Variants in SBF2 observed in about 807,000 individuals in gnomAD.
SBF2 encodes SET binding factor 2, also known as myotubularin-related protein 13.
Under a neutral mutation model 225.2 loss-of-function variants are expected in SBF2, and 112 were observed. The ratio of observed to expected loss-of-function variants is 0.50; its 90% CI spans 0.43 to 0.58. The LOEUF is 0.58. SBF2 is among the 20% of genes least tolerant of loss of function. The pLI is 0.00. For missense variants in SBF2, 1,996 were observed against 2,206.2 expected (o/e 0.90, Z 1.91); for synonymous variants, 763 against 773.3 (o/e 0.99, Z 0.22).
intron 2 of SBF2, among the ~76,000 whole-genome samples, chr11:10,125,970 TC>T (rs1953733248): frequency 6.6e-6 from 1 of 152,212 alleles, no homozygotes; most frequent in Non-Finnish European, 1.5e-5. Flanking sequence ...GGTGAAGTGA[TC>T]TTCTCATTGC....
chr11:10,248,297 G>A (rs994611068), intron 1 of SBF2, among the ~76,000 whole-genome samples: 4 of 152,228 alleles, frequency 2.6e-5, no homozygotes, highest in African/African-American at 7.2e-5. Flanking sequence ...CATGTTGTAG[G>A]TGGTCTGTGT....
At chr11:9,965,569 T>C (rs1866852850) in intron 14 of SBF2, among the ~76,000 whole-genome samples, 3 of 152,224 alleles carry the variant, frequency 2.0e-5, no homozygotes, top group South Asian at 4.1e-4. Context: ...ATTACAGGTA[T>C]GAGCCACCGC....
At chr11:10,219,550 CA>C (rs1295689106) in intron 1 of SBF2, among the ~76,000 whole-genome samples, 1 of 152,230 alleles carries the variant, frequency 6.6e-6, no homozygotes, top group African/African-American at 2.4e-5. Flanking sequence ...CAAATTTCTG[CA>C]GCCAGCTTGA....
chr11:9,960,017 G>C, intron 16 of SBF2: 1 of 284,310 alleles, frequency 3.5e-6, no homozygotes, highest in Non-Finnish European at 6.9e-6. Context: ...ATGGGGTCTT[G>C]ATAAGTTGTC....
intron 25 of SBF2, among the ~76,000 whole-genome samples, chr11:9,841,534 CTTT>C (rs11289335): frequency 1.3e-4 from 19 of 143,052 alleles, no homozygotes; most frequent in Non-Finnish European, 1.4e-4. Context: ...CACATAGGTT[CTTT>C]TTTTTTTTTT....
At chr11:10,290,597 G>C (rs1284372651) in intron 1 of SBF2, among the ~76,000 whole-genome samples, 1 of 152,062 alleles carries the variant, frequency 6.6e-6, no homozygotes, top group Non-Finnish European at 1.5e-5. Context: ...AGGAGTAGAT[G>C]GTAGTGAAGA....
chr11:9,894,760 C>G (rs1861106382), intron 17 of SBF2, among the ~76,000 whole-genome samples: 4 of 152,054 alleles, frequency 2.6e-5, no homozygotes, highest in Admixed American at 2.0e-4. Flanking sequence ...GCAGGTGGAT[C>G]ACCTGAGGTC....
intron 1 of SBF2, among the ~76,000 whole-genome samples, chr11:10,291,922 C>T (rs1019069197): frequency 6.6e-6 from 1 of 152,184 alleles, no homozygotes; most frequent in Non-Finnish European, 1.5e-5. Flanking sequence ...TCTGTGATAT[C>T]CTTCCCACGT....
At chr11:9,928,014 G>A (rs1157165947) in intron 16 of SBF2, among the ~76,000 whole-genome samples, 1 of 149,832 alleles carries the variant, frequency 6.7e-6, no homozygotes, top group African/African-American at 2.5e-5. Flanking sequence ...CATTTTTAAA[G>A]AAAATGAGAG....
chr11:9,824,991 C>T (rs187261979), intron 28 of SBF2, among the ~76,000 whole-genome samples: 4 of 152,148 alleles, frequency 2.6e-5, no homozygotes, highest in Non-Finnish European at 4.4e-5. Context: ...ATGAGAAGAA[C>T]GAAGCGTGTA....
intron 16 of SBF2, among the ~76,000 whole-genome samples, chr11:9,900,042 T>A (rs115647815): frequency 0.31 from 26,541 of 86,882 alleles, 3,139 homozygotes; most frequent in Non-Finnish European, 0.38. Flanking sequence ...TTTTTTTTTT[T>A]TTAAAAAAAA....
At chr11:10,207,119 G>A (rs1957777514) in intron 1 of SBF2, among the ~76,000 whole-genome samples, 1 of 152,026 alleles carries the variant, frequency 6.6e-6, no homozygotes, top group Non-Finnish European at 1.5e-5. Flanking sequence ...TTACCTACAG[G>A]ATAACACCAA....
upstream of SBF2, chr11:10,294,269 T>TGGCTC (rs1964376385): frequency 5.2e-6 from 2 of 382,816 alleles, no homozygotes; most frequent in Non-Finnish European, 9.0e-6. Flanking sequence ...CCACCCGCGC[T>TGGCTC]GGCTCGGCTG....
rs1006168068 is a variant in SBF2, at chr11:10,015,612, G to C, written c.619+12840C>G. Among the ~76,000 whole-genome samples the C allele has an allele frequency of 7.2e-5, 11 of 152,178 alleles. No homozygotes were observed. The South Asian group carries it at 2.3e-3, about 32-fold the overall frequency. On this transcript the variant is annotated intron_variant, in intron 6 of 39. Transcript: ENST00000256190. Reference sequence around the variant, plus strand: ...GCTTCCTAAAGGGACTGACCCTTGAGGTAGATTTTGACAGAGATGCATTAG... The same window carrying C: ...GCTTCCTAAAGGGACTGACCCTTGACGTAGATTTTGACAGAGATGCATTAG...
intron 2 of SBF2, among the ~76,000 whole-genome samples, chr11:10,081,857 G>A (rs1951379841): frequency 6.6e-6 from 1 of 151,150 alleles, no homozygotes; most frequent in South Asian, 2.1e-4. Flanking sequence ...CTCAAAGCTA[G>A]AAGAACAAAA....
chr11:10,229,459 A>T (rs1958730608), intron 1 of SBF2, among the ~76,000 whole-genome samples: 1 of 152,190 alleles, frequency 6.6e-6, no homozygotes, highest in Admixed American at 6.5e-5. Context: ...TTAGTGCTAT[A>T]ACTTTCCCTC....
At chr11:10,160,116 G>T (rs985477529) in intron 2 of SBF2, among the ~76,000 whole-genome samples, 1 of 151,984 alleles carries the variant, frequency 6.6e-6, no homozygotes, top group African/African-American at 2.4e-5. Context: ...AAAAGAAGAA[G>T]TAAAAAATAT....
intron 30 of SBF2, chr11:9,810,214 T>C (rs2133900574): frequency 6.6e-6 from 1 of 152,396 alleles, no homozygotes; most frequent in Non-Finnish European, 1.5e-5. Flanking sequence ...AGATCGAGGC[T>C]GCAGTGAGCT....
chr11:9,908,645 CTTTA>C (rs1862312680), intron 16 of SBF2, among the ~76,000 whole-genome samples: 1 of 150,214 alleles, frequency 6.7e-6, no homozygotes, highest in Admixed American at 6.7e-5. Flanking sequence ...AAAGTCTTAT[CTTTA>C]TTTAAATTTT....
Sources: allele counts gnomAD v4.1 joint callset (sites outside exome capture counted in the v4.1 genomes callset), GRCh38; gene constraint gnomAD v4.1.1; transcripts MANE v1.5; gene names NCBI Gene and HGNC (gene_info 2026-07-23, HGNC 2026-07-21).